Variants in ASPH observed in about 807,000 individuals in gnomAD.
The protein encoded by ASPH is aspartate beta-hydroxylase.
ASPH carries 100 observed loss-of-function variants against 118.4 expected under a neutral mutation model. That is an observed-to-expected ratio of 0.84 (90% CI 0.72 to 1.00). ASPH has a LOEUF of 1.00. Among genes scored for constraint, ASPH ranks in the 50% least tolerant of loss-of-function variants. The pLI is 0.00. For missense variants in ASPH, 920 were observed against 919.5 expected, an observed-to-expected ratio of 1.00 and a Z score of -0.01; for synonymous variants, 315 against 325.6, an observed-to-expected ratio of 0.97 and a Z score of 0.35.
At position 61,668,369 on chromosome 8, in the gene ASPH, C is replaced by T. The variant is rs75611525; in HGVS notation, c.322+12599G>A. On this transcript the variant is annotated intron_variant, in intron 3 of 24. Coordinates refer to ENST00000379454, the MANE Select transcript of ASPH (RefSeq NM_004318.4). The stretch of plus-strand genomic sequence containing the variant: ...TATTAAATAGGTAAAATCAATGCCA[C>T]TATAAAATATGTTAAGTTAGTTAAA... 1.5e-3 allele frequency: 1,392 copies of T among 939,822 alleles called. 8 individuals carry two copies. Among genetic ancestry groups the T allele is most frequent in the Middle Eastern group, 0.014 (43 of 3,078 alleles). 58.2% of individuals were successfully genotyped at this position (939,822 alleles called of 1,614,324 possible).
At chr8:61,579,970 C>T (rs543899866) in intron 15 of ASPH, among the ~76,000 whole-genome samples, 3 of 150,010 alleles carry the variant, frequency 2.0e-5, no homozygotes, top group African/African-American at 7.3e-5. Flanking sequence ...CTTCAAGTTC[C>T]ATGCAAGTCT....
At chr8:61,597,417 T>A (rs1842797987) in intron 14 of ASPH, among the ~76,000 whole-genome samples, 1 of 152,046 alleles carries the variant, frequency 6.6e-6, no homozygotes. Flanking sequence ...ATCAACCAAA[T>A]AACCAAATGT....
chr8:61,665,675 T>C (rs1374027260), intron 3 of ASPH: 13 of 1,450,212 alleles, frequency 9.0e-6, no homozygotes, highest in African/African-American at 2.9e-5. Context: ...AACAGGAAGT[T>C]AGTGAAAAGG....
intron 14 of ASPH, among the ~76,000 whole-genome samples, chr8:61,595,742 T>C (rs1302527036): frequency 6.6e-6 from 1 of 152,200 alleles, no homozygotes; most frequent in Non-Finnish European, 1.5e-5. Flanking sequence ...ATGGCCTGGA[T>C]GCACCATCAG....
At chr8:61,554,591 C>A (rs984357087) in intron 19 of ASPH, among the ~76,000 whole-genome samples, 1 of 152,210 alleles carries the variant, frequency 6.6e-6, no homozygotes, top group African/African-American at 2.4e-5. Flanking sequence ...GTCCCAGTGG[C>A]CACATTTCAG....
At chr8:61,531,964 T>A (rs1205209141) in intron 21 of ASPH, among the ~76,000 whole-genome samples, 1 of 152,224 alleles carries the variant, frequency 6.6e-6, no homozygotes, top group Non-Finnish European at 1.5e-5. Context: ...GTTGTTTCCA[T>A]ATCTTGACTA....
intron 1 of ASPH, among the ~76,000 whole-genome samples, chr8:61,691,421 G>A (rs1353163127): frequency 6.6e-6 from 1 of 152,196 alleles, no homozygotes; most frequent in East Asian, 1.9e-4. Context: ...TCAAAGATCT[G>A]TCCCACTAAA....
chr8:61,530,174 G>A (rs1206181871), intron 21 of ASPH, among the ~76,000 whole-genome samples: 1 of 152,170 alleles, frequency 6.6e-6, no homozygotes, highest in Non-Finnish European at 1.5e-5. Flanking sequence ...ATTTTTAAAA[G>A]CCTCTTCTGA....
At chr8:61,676,210 A>C in intron 3 of ASPH, 1 of 1,598,630 alleles carries the variant, frequency 6.3e-7, no homozygotes, top group Non-Finnish European at 8.5e-7. Flanking sequence ...TCATTATATC[A>C]TAGAGAAATG....
chr8:61,532,920 C>T (rs1818113618), intron 21 of ASPH, among the ~76,000 whole-genome samples: 3 of 152,124 alleles, frequency 2.0e-5, no homozygotes, highest in African/African-American at 7.2e-5. Flanking sequence ...GCACTATATG[C>T]AAGTATAGCT....
chr8:61,697,424 T>C lies in ASPH; in HGVS notation c.104-13236A>G, dbSNP rs1422467821. On this transcript the variant is annotated intron_variant, in intron 1 of 24. Transcript: ENST00000379454. ...AATTCTGCAGTAGACACCAGCTGGC[T>C]GTCCTCTAATTCAATTCAGTTCTGA... Among the ~76,000 whole-genome samples, 6 of 152,304 alleles carry C rather than the reference T, an allele frequency of 3.9e-5. No individual in the cohort carries two copies. In the East Asian group the frequency reaches 1.2e-3, roughly 29 times the overall value.
At chr8:61,525,377 C>CAG (rs1187792815) in intron 22 of ASPH, among the ~76,000 whole-genome samples, 1 of 151,910 alleles carries the variant, frequency 6.6e-6, no homozygotes, top group Non-Finnish European at 1.5e-5. Context: ...CACATACACA[C>CAG]ACGCTGGAGC....
chr8:61,549,663 T>G (rs1457137807), intron 20 of ASPH, among the ~76,000 whole-genome samples: 1 of 152,214 alleles, frequency 6.6e-6, no homozygotes, highest in Admixed American at 6.5e-5. Flanking sequence ...TTAATTTGAC[T>G]ATTGTGGTTA....
intron 13 of ASPH, among the ~76,000 whole-genome samples, chr8:61,627,711 TA>T (rs1853571617): frequency 6.6e-6 from 1 of 152,170 alleles, no homozygotes; most frequent in African/African-American, 2.4e-5. Context: ...TGAGTATTTA[TA>T]AAAAGGCAAA....
chr8:61,644,184 G>A (rs181816795), intron 7 of ASPH, among the ~76,000 whole-genome samples, 183 bp from the exon 8 acceptor site: 3 of 152,362 alleles, frequency 2.0e-5, no homozygotes, highest in South Asian at 4.1e-4. Flanking sequence ...ATGCAAAGAT[G>A]AGTAAGGGGG....
intron 3 of ASPH, chr8:61,665,217 C>A (rs1230928545): frequency 1.3e-6 from 2 of 1,537,480 alleles, no homozygotes; most frequent in East Asian, 2.3e-5. Flanking sequence ...CAATCTGGAA[C>A]ATGACCATGT....
At chr8:61,613,517 T>C (rs1031900711) in intron 14 of ASPH, among the ~76,000 whole-genome samples, 7 of 152,204 alleles carry the variant, frequency 4.6e-5, no homozygotes, top group African/African-American at 1.7e-4. Context: ...CTTAATAAGC[T>C]TTTTGTCTAG....
At chr8:61,614,898 T>C (rs1378401206) in intron 14 of ASPH, among the ~76,000 whole-genome samples, 1 of 152,178 alleles carries the variant, frequency 6.6e-6, no homozygotes, top group Non-Finnish European at 1.5e-5. Flanking sequence ...CCACTTCTAC[T>C]CTACATCGTA....
chr8:61,647,293 G>A (rs1808500396), intron 5 of ASPH, among the ~76,000 whole-genome samples: 2 of 152,118 alleles, frequency 1.3e-5, no homozygotes, highest in Non-Finnish European at 2.9e-5. Context: ...GCCTTTTCCT[G>A]GGAATTGACA....
Sources: gnomAD v4.1 joint callset for allele counts (sites outside exome capture counted in the v4.1 genomes callset) on GRCh38, gnomAD v4.1.1 for gene constraint, MANE v1.5 for transcripts, NCBI Gene and HGNC (gene_info 2026-07-23, HGNC 2026-07-21) for gene names.